Variants in KREMEN1 observed in about 807,000 individuals in gnomAD.
The protein encoded by KREMEN1 is kremen protein 1.
A neutral mutation model predicts 46.5 loss-of-function variants in KREMEN1; 30 were observed. That is an observed-to-expected ratio of 0.65 (90% CI 0.48 to 0.88). The LOEUF (loss-of-function observed/expected upper bound fraction) is 0.88. Among genes scored for constraint, KREMEN1 ranks in the 40% least tolerant of loss-of-function variants. The pLI is 0.00. For synonymous variants in KREMEN1, 214 were observed against 230.6 expected, an observed-to-expected ratio of 0.93 and a Z score of 0.65; for missense variants, 533 against 596.9, an observed-to-expected ratio of 0.89 and a Z score of 1.11.
intron 1 of KREMEN1, among the ~76,000 whole-genome samples, chr22:29,089,938 A>C (rs1477044993): frequency 1.3e-5 from 2 of 152,172 alleles, no homozygotes; most frequent in African/African-American, 4.8e-5. Context: ...GACCCACCCT[A>C]GGAGAGAACC....
chr22:29,125,077 G>C, intron 4 of KREMEN1, 186 bp from the exon 5 acceptor site: 1 of 627,474 alleles, frequency 1.6e-6, no homozygotes, highest in Non-Finnish European at 2.8e-6. Flanking sequence ...ACACATTGGT[G>C]GTTGCGTACT....
At chr22:29,133,247 CAA>C (rs147076750) in intron 5 of KREMEN1, among the ~76,000 whole-genome samples, 4 of 126,248 alleles carry the variant, frequency 3.2e-5, no homozygotes, top group African/African-American at 3.3e-5. Context: ...GACTCCATCT[CAA>C]AAAAAAAAAA....
At chr22:29,125,440 C>A in intron 5 of KREMEN1, 24 bp downstream of exon 5, 2 of 1,611,452 alleles carry the variant, frequency 1.2e-6, no homozygotes, top group Non-Finnish European at 1.7e-6. Flanking sequence ...GTGCCCATCA[C>A]TGCCCAAGGC....
chr22:29,164,768 A>AC (rs132310), intron 9 of KREMEN1, among the ~76,000 whole-genome samples: 2 of 149,214 alleles, frequency 1.3e-5, no homozygotes, highest in Non-Finnish European at 3.0e-5. Flanking sequence ...AAAAAAAAAA[A>AC]CCCAAAACAA....
At chr22:29,106,694 C>T (rs1291189172) in intron 3 of KREMEN1, among the ~76,000 whole-genome samples, 2 of 152,070 alleles carry the variant, frequency 1.3e-5, no homozygotes, top group African/African-American at 4.8e-5. Flanking sequence ...GAGAACAGTC[C>T]CATTTCCTTT....
At position 29,142,796 on chromosome 22, in the gene KREMEN1, G is replaced by A; in HGVS notation, c.*684G>A. ...TACCTTACACATGGGCTTCTTTCTAGATTCTTCTTTCCATAGCTCATGGAG... is the reference window on the plus strand; with the variant it reads ...TACCTTACACATGGGCTTCTTTCTAAATTCTTCTTTCCATAGCTCATGGAG... On this transcript the variant is annotated 3_prime_UTR_variant, in exon 9 of 9. Transcript: ENST00000400335. The A allele has an allele frequency of 1.0e-6, 1 of 985,444 alleles. No individual in the cohort carries two copies. The highest frequency in any genetic ancestry group is 1.2e-6 in the Non-Finnish European group (1 of 829,946). The allele number at this position is 985,444 out of a possible 1,614,324, so 61.0% of individuals were successfully genotyped here. A position where few individuals can be genotyped will look rare whatever the true frequency, so the allele number is the denominator to read the frequency against.
In KREMEN1 at chr22:29,152,330, T is replaced by G. The variant is rs1048806965; in HGVS notation, c.1416+10230T>G. Among the ~76,000 whole-genome samples the G allele has an allele frequency of 2.1e-4, 32 of 152,176 alleles. 1 individual carries two copies. The highest frequency in any genetic ancestry group is 1.7e-3 in the Admixed American group (26 of 15,272). ...CCAGGACAGCTGGTGGCCTTCACAT[T>G]GTTTTGCGTCTCCCAGGTTCTCTTA... On this transcript the variant is annotated intron_variant, in intron 9 of 9. Transcript: ENST00000327813.
chr22:29,131,750 ATATATG>A (rs1340829542), intron 5 of KREMEN1, among the ~76,000 whole-genome samples: 1 of 133,660 alleles, frequency 7.5e-6, no homozygotes, highest in Non-Finnish European at 1.5e-5. Context: ...ATATATATGT[ATATATG>A]TATATATATA....
chr22:29,141,949 A>G lies in KREMEN1; in HGVS notation c.1214A>G (p.His405Arg). ...AATATTTATCTGCTTGACAGATCCCATCGTGTTCCTGCTTCAGGGGACCTT... is the reference window on the plus strand; with the variant it reads ...AATATTTATCTGCTTGACAGATCCCGTCGTGTTCCTGCTTCAGGGGACCTT... Reference protein sequence around the residue: ...KILLHVTFKSHRVPASGDLRD... With the variant: ...KILLHVTFKSRRVPASGDLRD... Residue 405 changes from histidine (H) to arginine (R), a missense_variant, in exon 9 of 9, where the codon CAT becomes CGT. Transcript: ENST00000400335. 1.9e-6 allele frequency: 3 copies of G among 1,597,496 alleles called. No homozygotes were observed. The highest frequency in any genetic ancestry group is 1.7e-6 in the Non-Finnish European group (2 of 1,174,052).
chr22:29,152,773 C>G (rs1292608836), intron 9 of KREMEN1, among the ~76,000 whole-genome samples: 4 of 152,322 alleles, frequency 2.6e-5, no homozygotes, highest in Admixed American at 6.5e-5. Flanking sequence ...GGCACCGTCA[C>G]AGGGTAAACT....
At chr22:29,150,757 G>A (rs1157829032), downstream of KREMEN1, among the ~76,000 whole-genome samples, 2 of 152,178 alleles carry the variant, frequency 1.3e-5, no homozygotes, top group Non-Finnish European at 2.9e-5. Context: ...AATGTGCAAG[G>A]ACAATAAGAT....
intron 4 of KREMEN1, among the ~76,000 whole-genome samples, chr22:29,124,967 G>T (rs1384846016): frequency 6.6e-6 from 1 of 152,188 alleles, no homozygotes; most frequent in Non-Finnish European, 1.5e-5. Flanking sequence ...ATGTTTAGCT[G>T]TTACTCACAT....
In KREMEN1 at chr22:29,073,333, C is replaced by G; in HGVS notation, c.97+106C>G. On this transcript the variant is annotated intron_variant, in intron 1 of 8. Coordinates refer to ENST00000400335, the MANE Select transcript of KREMEN1 (RefSeq NM_001039570.3). This position sits in a 1 kb window ranked among gnomAD's most constrained non-coding sequence, Gnocchi z 4.4. ...CCCTCCCTCCCGCTTCAGGACCTTCCGGGCCCCTTCCCCTCGCCCCTAGGC... is the reference window on the plus strand; with the variant it reads ...CCCTCCCTCCCGCTTCAGGACCTTCGGGGCCCCTTCCCCTCGCCCCTAGGC... The G allele has an allele frequency of 3.3e-6, 1 of 298,598 alleles. No individual in the cohort carries two copies. The highest frequency in any genetic ancestry group is 5.4e-6 in the Non-Finnish European group (1 of 186,890). The allele number at this position is 298,598 out of a possible 1,614,324, so 18.5% of individuals were successfully genotyped here.
intron 5 of KREMEN1, among the ~76,000 whole-genome samples, chr22:29,129,167 G>A (rs2038493474): frequency 6.6e-6 from 1 of 152,104 alleles, no homozygotes; most frequent in Admixed American, 6.6e-5. Context: ...GGTACAAAAT[G>A]CAGCACTGTA....
rs909139942 is a variant in KREMEN1, at chr22:29,160,510, A to C, written c.1417-6534A>C. Reference sequence around the variant, plus strand: ...AGCCGAGATCATGCCACTGCACTCCAGCCTGGGTGACAGACCGAGACTCCG... The same window carrying C: ...AGCCGAGATCATGCCACTGCACTCCCGCCTGGGTGACAGACCGAGACTCCG... On this transcript the variant is annotated intron_variant, in intron 9 of 9. Transcript: ENST00000327813. 2.0e-5 allele frequency among the ~76,000 whole-genome samples: 3 copies of C among 146,862 alleles called. No individual in the cohort carries two copies. The South Asian group carries it at 6.4e-4, about 32-fold the overall frequency.
intron 5 of KREMEN1, among the ~76,000 whole-genome samples, chr22:29,128,098 T>A (rs943904418): frequency 1.3e-5 from 2 of 152,058 alleles, no homozygotes; most frequent in Non-Finnish European, 2.9e-5. Flanking sequence ...GAATATGGAG[T>A]GACTGCTTAA....
At chr22:29,138,951 AT>A in intron 7 of KREMEN1, 169 bp downstream of exon 7, 1 of 978,358 alleles carries the variant, frequency 1.0e-6, no homozygotes, top group Non-Finnish European at 1.5e-6. Context: ...AAATTTTCTT[AT>A]TAGCTTGGTT....
At chr22:29,103,675 C>G (rs1448803340) in intron 3 of KREMEN1, among the ~76,000 whole-genome samples, 1 of 152,142 alleles carries the variant, frequency 6.6e-6, no homozygotes, top group Non-Finnish European at 1.5e-5. Flanking sequence ...CTATTGAGAG[C>G]TATTTTTTGT....
At chr22:29,079,914 A>T (rs1353501491) in intron 1 of KREMEN1, among the ~76,000 whole-genome samples, 1 of 152,238 alleles carries the variant, frequency 6.6e-6, no homozygotes, top group Non-Finnish European at 1.5e-5. Flanking sequence ...AATCTATAAA[A>T]ATTCATCTTC....
Sources: gnomAD v4.1 joint callset for allele counts (sites outside exome capture counted in the v4.1 genomes callset) on GRCh38, gnomAD v4.1.1 for gene constraint, Gnocchi (gnomAD v3.1) non-coding constraint, MANE v1.5 for transcripts, NCBI Gene and HGNC (gene_info 2026-07-23, HGNC 2026-07-21) for gene names.